The following STYX variants were observed in gnomAD, a reference collection of about 807,000 sequenced individuals.
The protein encoded by STYX is serine/threonine/tyrosine-interacting protein.
Under a neutral mutation model 42.7 loss-of-function variants are expected in STYX, and 20 were observed. That is an observed-to-expected ratio of 0.47 (90% CI 0.33 to 0.68). STYX has a LOEUF of 0.68. Among genes scored for constraint, STYX ranks in the 30% least tolerant of loss-of-function variants. The probability of loss-of-function intolerance (pLI) is 0.02; values close to 1 mark genes in which losing one functional copy is unlikely to be tolerated. For synonymous variants in STYX, 78 were observed against 81.9 expected, an observed-to-expected ratio of 0.95 and a Z score of 0.26; for missense variants, 226 against 268.5, an observed-to-expected ratio of 0.84 and a Z score of 1.11.
chr14:52,761,377 T>G (rs951748480), intron 9 of STYX, among the ~76,000 whole-genome samples: 4 of 151,102 alleles, frequency 2.6e-5, no homozygotes, highest in Non-Finnish European at 4.4e-5. Flanking sequence ...GGTACATCTG[T>G]GTGAATATAC....
chr14:52,744,801 G>C (rs774011117), intron 1 of STYX, 51 bp from the exon 2 acceptor site: 2 of 1,562,716 alleles, frequency 1.3e-6, no homozygotes, highest in Admixed American at 3.4e-5. Context: ...GCCTTTAATT[G>C]GGTGACTTTT....
At chr14:52,766,455 C>T (rs1350330068) in intron 9 of STYX, among the ~76,000 whole-genome samples, 1 of 151,962 alleles carries the variant, frequency 6.6e-6, no homozygotes, top group African/African-American at 2.4e-5. Context: ...GACGTGAGAC[C>T]ACACACCTGG....
At chr14:52,734,799 C>T (rs976093320) in intron 1 of STYX, among the ~76,000 whole-genome samples, 2 of 152,154 alleles carry the variant, frequency 1.3e-5, no homozygotes, top group African/African-American at 2.4e-5. Context: ...TGGTGGCTCA[C>T]GCCTGTAATC....
intron 1 of STYX, among the ~76,000 whole-genome samples, chr14:52,732,412 G>T (rs561078746): frequency 7.9e-5 from 12 of 151,522 alleles, no homozygotes; most frequent in Admixed American, 5.9e-4. Context: ...AGCTGGGACT[G>T]CAGGCACCCG....
chr14:52,737,281 C>G (rs1318306687), intron 1 of STYX, among the ~76,000 whole-genome samples: 1 of 152,104 alleles, frequency 6.6e-6, no homozygotes, highest in East Asian at 1.9e-4. Context: ...ATTTGAGGGT[C>G]TTTGAACATT....
chr14:52,746,577 C>A, intron 3 of STYX, 98 bp downstream of exon 3: 1 of 985,056 alleles, frequency 1.0e-6, no homozygotes, highest in Non-Finnish European at 1.5e-6. Flanking sequence ...AGGGAGCATC[C>A]ACAAATACTG....
intron 3 of STYX, among the ~76,000 whole-genome samples, chr14:52,747,859 G>A (rs1881453118): frequency 6.6e-6 from 1 of 152,164 alleles, no homozygotes; most frequent in South Asian, 2.1e-4. Context: ...GGTTATGGTG[G>A]TACACACCTG....
At chr14:52,761,673 A>G (rs894361220) in intron 9 of STYX, among the ~76,000 whole-genome samples, 1 of 149,890 alleles carries the variant, frequency 6.7e-6, no homozygotes, top group African/African-American at 2.5e-5. Context: ...GGTTCAAACA[A>G]TTCTCCTGCC....
intron 9 of STYX, among the ~76,000 whole-genome samples, chr14:52,767,428 G>GT (rs1882348641): frequency 6.6e-6 from 1 of 152,086 alleles, no homozygotes; most frequent in Non-Finnish European, 1.5e-5. Flanking sequence ...CATGGTATAA[G>GT]TTTTATGGCA....
chr14:52,755,418 C>G (rs1881823815), intron 4 of STYX, among the ~76,000 whole-genome samples: 1 of 152,114 alleles, frequency 6.6e-6, no homozygotes, highest in South Asian at 2.1e-4. Context: ...CCACCATGCT[C>G]AGCCTCAGCT....
At chr14:52,738,783 C>T (rs1205184769) in intron 1 of STYX, among the ~76,000 whole-genome samples, 1 of 152,142 alleles carries the variant, frequency 6.6e-6, no homozygotes, top group Non-Finnish European at 1.5e-5. Flanking sequence ...GTTTGATCAA[C>T]CAGGGAAGAT....
intron 2 of STYX, among the ~76,000 whole-genome samples, 191 bp from the exon 3 acceptor site, chr14:52,746,235 C>T (rs562565904): frequency 5.9e-4 from 90 of 151,822 alleles, no homozygotes; most frequent in Non-Finnish European, 1.1e-3. Context: ...TCCTTATCAG[C>T]CTGGGCAACA....
intron 9 of STYX, among the ~76,000 whole-genome samples, chr14:52,760,378 A>C (rs1006093502): frequency 6.6e-6 from 1 of 152,316 alleles, no homozygotes; most frequent in African/African-American, 2.4e-5. Context: ...TATACTAACT[A>C]TAACAGCTTT....
At chr14:52,730,827 G>A (rs1880668984) in intron 1 of STYX, among the ~76,000 whole-genome samples, 1 of 152,206 alleles carries the variant, frequency 6.6e-6, no homozygotes, top group Non-Finnish European at 1.5e-5. Flanking sequence ...CTCTTTTATT[G>A]TCAAAGTAAC....
intron 1 of STYX, among the ~76,000 whole-genome samples, chr14:52,735,404 C>A (rs1880910413): frequency 1.3e-5 from 2 of 152,196 alleles, no homozygotes; most frequent in African/African-American, 4.8e-5. Flanking sequence ...CCATCTAGGT[C>A]ATATCCCTAA....
Position 52,757,357 on chromosome 14 carries a change from T to C in STYX, c.340+2T>C. On this transcript the variant is annotated splice_donor_variant, in intron 6 of 10. Coordinates refer to ENST00000354586, the MANE Select transcript of STYX (RefSeq NM_145251.4). LOFTEE classifies it high-confidence loss of function. ...TTGATGGGAGCTTACAAATGGGAGG[T>C]AAATAACATTTCCTTTCCTTAACTA... is the stretch of plus-strand genomic sequence containing the variant. 3.7e-6 allele frequency: 6 copies of C among 1,602,678 alleles called. No individual in the cohort carries two copies. The highest frequency in any genetic ancestry group is 5.1e-6 in the Non-Finnish European group (6 of 1,172,052).
At chr14:52,739,632 C>CTTTTTTTTTTTTTTTTTTTTTT (rs58454717) in intron 1 of STYX, among the ~76,000 whole-genome samples, 2 of 65,728 alleles carry the variant, frequency 3.0e-5, no homozygotes, top group Admixed American at 2.3e-4. Context: ...TCCTTTCTTT[C>CTTTTTTTTTTTTTTTTTTTTTT]TTTTTTTTTT....
intron 4 of STYX, among the ~76,000 whole-genome samples, chr14:52,751,873 A>T (rs1165325218): frequency 6.6e-6 from 1 of 152,148 alleles, no homozygotes; most frequent in Non-Finnish European, 1.5e-5. Flanking sequence ...ATATGTTAAA[A>T]ATATTTTAGG....
At chr14:52,771,008 T>G (rs774332966) in intron 10 of STYX, 25 bp from the exon 11 acceptor site, 1 of 1,607,760 alleles carries the variant, frequency 6.2e-7, no homozygotes, top group Admixed American at 1.7e-5. Flanking sequence ...TAGTGCCCTT[T>G]TAATCTTCAT....
Sources: allele counts gnomAD v4.1 joint callset (sites outside exome capture counted in the v4.1 genomes callset), GRCh38; gene constraint gnomAD v4.1.1; transcripts MANE v1.5; gene names NCBI Gene and HGNC (gene_info 2026-07-23, HGNC 2026-07-21).